Variants in GRID1 observed in about 807,000 individuals in gnomAD.
The protein encoded by GRID1 is glutamate ionotropic receptor delta type subunit 1, also known as glutamate receptor ionotropic, delta-1.
A neutral mutation model predicts 98.0 loss-of-function variants in GRID1; 28 were observed. The ratio of observed to expected loss-of-function variants is 0.29; its 90% CI spans 0.21 to 0.39. The LOEUF is 0.39. Among genes scored for constraint, GRID1 ranks in the 10% least tolerant of loss-of-function variants. GRID1 has a pLI of 1.00. For missense variants in GRID1, 1,111 were observed against 1,340.5 expected, an observed-to-expected ratio of 0.83 and a Z score of 2.67; for synonymous variants, 553 against 538.5, an observed-to-expected ratio of 1.03 and a Z score of -0.37.
At chr10:85,714,413 T>A (rs186353165) in intron 12 of GRID1, among the ~76,000 whole-genome samples, 250 of 151,874 alleles carry the variant, frequency 1.6e-3, no homozygotes, top group Middle Eastern at 0.01. Flanking sequence ...AGTTTTTTTT[T>A]AAAAAAAGAA....
chr10:85,708,123 A>AC (rs1841542482), intron 12 of GRID1, among the ~76,000 whole-genome samples: 1 of 127,940 alleles, frequency 7.8e-6, no homozygotes, highest in Admixed American at 8.1e-5. Context: ...TAAAAAAAAA[A>AC]AAAAAAAACA....
intron 8 of GRID1, among the ~76,000 whole-genome samples, chr10:85,771,076 G>T (rs1842260374): frequency 6.6e-6 from 1 of 152,190 alleles, no homozygotes; most frequent in Non-Finnish European, 1.5e-5. Context: ...CAGAGAGAAA[G>T]GTCGGGTTAC....
At chr10:85,744,672 A>G (rs1349459533) in intron 8 of GRID1, among the ~76,000 whole-genome samples, 1 of 87,018 alleles carries the variant, frequency 1.1e-5, no homozygotes, top group South Asian at 4.7e-4. Flanking sequence ...CAAGGACTTC[A>G]TGTCCAAAAC....
chr10:86,230,874 G>A (rs904974315), intron 2 of GRID1, among the ~76,000 whole-genome samples: 1 of 152,138 alleles, frequency 6.6e-6, no homozygotes, highest in Non-Finnish European at 1.5e-5. Context: ...CTGGCAGATG[G>A]GCTCCCTCCA....
In GRID1 at chr10:86,334,752, C is replaced by T. The variant is rs148575250; in HGVS notation, c.235+29189G>A. Reference sequence around the variant, plus strand: ...CATCCCCATGTTCCAGAGGAGGAAACCGAGGCTCCCTGATAATGGACCATG... The same window carrying T: ...CATCCCCATGTTCCAGAGGAGGAAATCGAGGCTCCCTGATAATGGACCATG... On this transcript the variant is annotated intron_variant, in intron 2 of 15. Transcript: ENST00000327946. 3.5e-3 allele frequency among the ~76,000 whole-genome samples: 526 copies of T among 152,322 alleles called. 2 individuals carry two copies. Among genetic ancestry groups the T allele is most frequent in the African/African-American group, 0.012 (506 of 41,572 alleles).
In GRID1 at chr10:85,623,908, T is replaced by G. The variant is rs1434364259; in HGVS notation, c.2194-3875A>C. Among the ~76,000 whole-genome samples the G allele has an allele frequency of 5.3e-5, 8 of 152,346 alleles. No individual in the cohort carries two copies. The South Asian group carries it at 1.7e-3, about 32-fold the overall frequency. ...CAGGAATCTAGCTTCCTTTCAACCT[T>G]GTGCTGTGGTCTGGTGCTTGTAGAG... On this transcript the variant is annotated intron_variant, in intron 13 of 15. Transcript: ENST00000327946.
At chr10:86,084,535 A>T (rs1382202793) in intron 4 of GRID1, among the ~76,000 whole-genome samples, 1 of 152,254 alleles carries the variant, frequency 6.6e-6, no homozygotes, top group African/African-American at 2.4e-5. Context: ...AACACTGAAC[A>T]TATACCCAAA....
At position 86,366,459 on chromosome 10, in the gene GRID1, G is replaced by A. The variant is rs1378886380; in HGVS notation, c.-67C>T. 11 of 1,201,728 alleles carry A rather than the reference G, an allele frequency of 9.2e-6. No individual in the cohort carries two copies. The highest frequency in any genetic ancestry group is 1.2e-5 in the Non-Finnish European group (11 of 883,672). 74.4% of individuals were successfully genotyped at this position (1,201,728 alleles called of 1,614,324 possible). On this transcript the variant is annotated 5_prime_UTR_variant, in exon 1 of 16. Coordinates refer to ENST00000327946, the MANE Select transcript of GRID1 (RefSeq NM_017551.3). The surrounding 1 kb of genome is among the most constrained non-coding windows in gnomAD (Gnocchi z 4.1). ...GGCCGAGGGCAGCGCGAAGCGGGGAGGCGCTGGTCCCGGTGCAGTCCCGGG... is the reference window on the plus strand; with the variant it reads ...GGCCGAGGGCAGCGCGAAGCGGGGAAGCGCTGGTCCCGGTGCAGTCCCGGG...
chr10:85,842,578 A>G (rs1380859881), intron 8 of GRID1, among the ~76,000 whole-genome samples: 2 of 152,090 alleles, frequency 1.3e-5, no homozygotes, highest in Admixed American at 1.3e-4. Context: ...AGATACTATT[A>G]CAGATGCTAT....
At chr10:85,921,881 C>G (rs556066229) in intron 4 of GRID1, among the ~76,000 whole-genome samples, 53 of 152,300 alleles carry the variant, frequency 3.5e-4, no homozygotes, top group Non-Finnish European at 4.9e-4. Flanking sequence ...TAACCACCCC[C>G]CAAGATACTT....
intron 2 of GRID1, among the ~76,000 whole-genome samples, chr10:86,246,487 C>T (rs370619714): frequency 1.3e-5 from 2 of 152,300 alleles, no homozygotes; most frequent in East Asian, 1.9e-4. Flanking sequence ...ACAACCCGGC[C>T]GCACCTGGGC....
chr10:85,620,705 G>A (rs1459285184), intron 13 of GRID1, among the ~76,000 whole-genome samples: 1 of 152,184 alleles, frequency 6.6e-6, no homozygotes, highest in Non-Finnish European at 1.5e-5. Flanking sequence ...ATGAAGGTAT[G>A]CACATGCCTG....
intron 2 of GRID1, among the ~76,000 whole-genome samples, chr10:86,279,683 C>T (rs1847328466): frequency 6.6e-6 from 1 of 152,128 alleles, no homozygotes; most frequent in African/African-American, 2.4e-5. Flanking sequence ...TGGTTTCCTC[C>T]TAAGATCAGA....
intron 5 of GRID1, 39 bp from the exon 6 acceptor site, chr10:85,869,219 T>C (rs2131793390): frequency 6.3e-7 from 1 of 1,574,936 alleles, no homozygotes; most frequent in East Asian, 2.2e-5. Context: ...CATCCACTCA[T>C]GAACTATCTC....
At chr10:86,173,964 T>A (rs892533094) in intron 3 of GRID1, among the ~76,000 whole-genome samples, 4 of 152,174 alleles carry the variant, frequency 2.6e-5, no homozygotes, top group Non-Finnish European at 5.9e-5. Context: ...ATTTTCTTAA[T>A]CTAGTCAATC....
chr10:85,693,932 A>G (rs1841360869), intron 12 of GRID1, among the ~76,000 whole-genome samples: 1 of 152,214 alleles, frequency 6.6e-6, no homozygotes, highest in Admixed American at 6.5e-5. Flanking sequence ...GACAAATGGG[A>G]ATTAACTAAA....
intron 8 of GRID1, among the ~76,000 whole-genome samples, chr10:85,736,176 AAAGGAAGGAAGGAGGG>A (rs1564574631): frequency 1.7e-5 from 2 of 116,998 alleles, no homozygotes; most frequent in Non-Finnish European, 3.5e-5. Flanking sequence ...ACACAGGAAG[AAAGGAAGGAAGGAGGG>A]AAGGAAGGAA....
chr10:86,351,357 T>C (rs1848459824), intron 2 of GRID1, among the ~76,000 whole-genome samples: 1 of 152,216 alleles, frequency 6.6e-6, no homozygotes, highest in South Asian at 2.1e-4. Context: ...ACATAGGAGC[T>C]GGTCTGTGAC....
intron 15 of GRID1, among the ~76,000 whole-genome samples, chr10:85,610,111 C>T (rs1842716656): frequency 6.6e-6 from 1 of 152,184 alleles, no homozygotes; most frequent in Non-Finnish European, 1.5e-5. Flanking sequence ...GAAATATGGC[C>T]AATGCCTCAA....
Sources: allele counts gnomAD v4.1 joint callset (sites outside exome capture counted in the v4.1 genomes callset), GRCh38; gene constraint gnomAD v4.1.1; non-coding constraint Gnocchi (gnomAD v3.1); transcripts MANE v1.5; gene names NCBI Gene and HGNC (gene_info 2026-07-23, HGNC 2026-07-21).